The following DUSP4 variants were observed in gnomAD, a reference collection of about 807,000 sequenced individuals.
DUSP4 encodes dual specificity phosphatase 4, also known as dual specificity protein phosphatase 4.
A neutral mutation model predicts 27.2 loss-of-function variants in DUSP4; 12 were observed. The ratio of observed to expected loss-of-function variants is 0.44; its 90% CI spans 0.28 to 0.71. DUSP4 has a LOEUF of 0.71. Ranked by LOEUF, DUSP4 falls within the 30% of genes least tolerant of loss-of-function variation. The pLI is 0.14. For synonymous variants in DUSP4, 257 were observed against 245.2 expected (o/e 1.05, Z -0.45); for missense variants, 448 against 551.3 (o/e 0.81, Z 1.88).
intron 1 of DUSP4, chr8:29,347,667 T>G: frequency 1.2e-6 from 1 of 833,660 alleles, no homozygotes; most frequent in Non-Finnish European, 1.4e-6. Flanking sequence ...AGAAGATGAT[T>G]CTCCCTGCCC....
At chr8:29,349,391 C>T (rs1252027989) in intron 1 of DUSP4, among the ~76,000 whole-genome samples, 1 of 152,198 alleles carries the variant, frequency 6.6e-6, no homozygotes, top group Non-Finnish European at 1.5e-5. Context: ...CCAATTGTAC[C>T]TCGGCGCCCA....
intron 1 of DUSP4, among the ~76,000 whole-genome samples, chr8:29,344,377 G>A (rs1817697796): frequency 6.6e-6 from 1 of 152,174 alleles, no homozygotes; most frequent in African/African-American, 2.4e-5. Context: ...TGAAATGAAT[G>A]TATTGAACGT....
chr8:29,341,130 T>A (rs1802577568), intron 1 of DUSP4, among the ~76,000 whole-genome samples: 1 of 152,230 alleles, frequency 6.6e-6, no homozygotes, highest in Non-Finnish European at 1.5e-5. Context: ...TCCACAGTGC[T>A]ATCAATGTAT....
chr8:29,349,777 A>G (rs1817794325), intron 1 of DUSP4, 69 bp downstream of exon 1: 12 of 1,417,216 alleles, frequency 8.5e-6, no homozygotes, highest in African/African-American at 1.5e-5. Flanking sequence ...TCCCGTGCCA[A>G]TAAGGCGCAG....
chr8:29,348,881 G>C, intron 1 of DUSP4: 2 of 762,054 alleles, frequency 2.6e-6, no homozygotes, highest in Non-Finnish European at 3.2e-6. Context: ...CGGAGGCGCA[G>C]CGCGGCGGGG....
chr8:29,340,427 G>C (rs1817642043), intron 1 of DUSP4, among the ~76,000 whole-genome samples, 184 bp from the exon 2 acceptor site: 1 of 152,166 alleles, frequency 6.6e-6, no homozygotes, highest in Non-Finnish European at 1.5e-5. Flanking sequence ...GAGATGCAGA[G>C]GACACACTCG....
In DUSP4 at chr8:29,336,039, G is replaced by A. The variant is rs1817567150; in HGVS notation, c.*987C>T. ...AGGTGGGAGGATCTCTTGAGCCCAA[G>A]AGCTTGAGATGAGCCTTGGCAACAT... On this transcript the variant is annotated 3_prime_UTR_variant, in exon 4 of 4. Coordinates refer to ENST00000240100, the MANE Select transcript of DUSP4 (RefSeq NM_001394.7). The A allele has an allele frequency of 6.6e-6, 1 of 152,134 alleles. No homozygotes were observed. The allele number at this position is 152,134 out of a possible 1,614,324, so 9.4% of individuals were successfully genotyped here. A position where few individuals can be genotyped will look rare whatever the true frequency, so the allele number is the denominator to read the frequency against.
intron 1 of DUSP4, among the ~76,000 whole-genome samples, chr8:29,349,403 C>T (rs547838653): frequency 2.0e-5 from 3 of 152,132 alleles, no homozygotes; most frequent in African/African-American, 4.8e-5. Flanking sequence ...CGGCGCCCAC[C>T]CCTCTTCACC....
chr8:29,348,345 A>G (rs1817765703), intron 1 of DUSP4: 2 of 985,544 alleles, frequency 2.0e-6, no homozygotes, highest in African/African-American at 1.7e-5. Context: ...TGGCCTAACC[A>G]GGACCTGGCC....
intron 2 of DUSP4, among the ~76,000 whole-genome samples, chr8:29,339,840 C>CA (rs1390239643): frequency 7.4e-6 from 1 of 135,688 alleles, no homozygotes; most frequent in African/African-American, 2.8e-5. Context: ...CCCCCCCCCC[C>CA]ATCTCTACCA....
At position 29,334,498 on chromosome 8, in the gene DUSP4, A is replaced by C. The variant is rs551231036; in HGVS notation, c.*2528T>G. The stretch of plus-strand genomic sequence containing the variant: ...ATAGCTGTTTTGACATTGTGATAGA[A>C]GGCTTGAATTCGGAGGAAAGATGTC... On this transcript the variant is annotated 3_prime_UTR_variant, in exon 4 of 4. Transcript: ENST00000240100. The C allele has an allele frequency of 1.3e-5, 2 of 152,376 alleles. No homozygotes were observed. Among genetic ancestry groups the C allele is most frequent in the South Asian group, 2.1e-4 (1 of 4,830 alleles). The allele number at this position is 152,376 out of a possible 1,614,324, so 9.4% of individuals were successfully genotyped here.
At position 29,337,700 on chromosome 8, in the gene DUSP4, A is replaced by G. The variant is rs1359505821; in HGVS notation, c.800-289T>C. On this transcript the variant is annotated intron_variant, in intron 3 of 3. Coordinates refer to ENST00000240100, the MANE Select transcript of DUSP4 (RefSeq NM_001394.7). The surrounding 1 kb of genome is among the most constrained non-coding windows in gnomAD (Gnocchi z 6.4). ...GTCCAGGGTGGTGGCTCACTCCTGT[A>G]ATCCCAGCGCTTTGGGAGGCCAAGG... 6.6e-6 allele frequency among the ~76,000 whole-genome samples: 1 copy of G among 152,196 alleles called. No homozygotes were observed. Among genetic ancestry groups the G allele is most frequent in the Non-Finnish European group, 1.5e-5 (1 of 68,030 alleles).
chr8:29,340,448 A>G (rs1817642600), intron 1 of DUSP4, among the ~76,000 whole-genome samples: 2 of 152,224 alleles, frequency 1.3e-5, no homozygotes, highest in Non-Finnish European at 2.9e-5. Context: ...TCAGGACTGC[A>G]GCAAAGCTGG....
rs542177995 is a variant in DUSP4 at position 29,337,264 on chromosome 8, A to C, written c.947T>G (p.Ile316Ser). 6.2e-7 allele frequency: 1 copy of C among 1,613,668 alleles called. No homozygotes were observed. The highest frequency in any genetic ancestry group is 8.5e-7 in the Non-Finnish European group (1 of 1,179,970). The change falls in exon 4 of 4, where the codon ATC becomes AGC. Residue 316 changes from isoleucine to serine, a missense_variant. Physicochemically the swap from Ile to Ser is moderately radical, Grantham distance 142 (BLOSUM62 -2). Transcript: ENST00000240100. This position sits in a 1 kb window ranked among gnomAD's most constrained non-coding sequence, Gnocchi z 6.4. Reference protein sequence around the residue: ...AFEFVKQRRSIISPNFSFMGQ... With the variant: ...AFEFVKQRRSSISPNFSFMGQ... Reference sequence around the variant, plus strand: ...CATGAAGCTGAAGTTGGGCGAGATGATGCTGCGGCGCTGCTTAACGAACTC... The same window carrying C: ...CATGAAGCTGAAGTTGGGCGAGATGCTGCTGCGGCGCTGCTTAACGAACTC...
At chr8:29,343,365 A>AT (rs1345577315) in intron 1 of DUSP4, among the ~76,000 whole-genome samples, 3 of 152,034 alleles carry the variant, frequency 2.0e-5, no homozygotes, top group Non-Finnish European at 4.4e-5. Context: ...GGTGAGAACG[A>AT]TATGTTCTGG....
chr8:29,342,894 G>A lies in DUSP4; in HGVS notation c.434-2651C>T, dbSNP rs146848530. Among the ~76,000 whole-genome samples, 152 of 152,346 alleles carry A rather than the reference G, an allele frequency of 1.0e-3. 1 individual carries two copies. The highest frequency in any genetic ancestry group is 3.2e-3 in the African/African-American group (133 of 41,582). On this transcript the variant is annotated intron_variant, in intron 1 of 3. Coordinates refer to ENST00000240100, the MANE Select transcript of DUSP4 (RefSeq NM_001394.7). Reference sequence around the variant, plus strand: ...CAAAAATGAACAAGGTGAGCTGGGCGCGGTGGCTCACGCCTGTAATCCCAG... The same window carrying A: ...CAAAAATGAACAAGGTGAGCTGGGCACGGTGGCTCACGCCTGTAATCCCAG...
intron 1 of DUSP4, among the ~76,000 whole-genome samples, chr8:29,342,273 C>T (rs1817665926): frequency 6.6e-6 from 1 of 152,214 alleles, no homozygotes; most frequent in Non-Finnish European, 1.5e-5. Flanking sequence ...AGGTTGCACC[C>T]CACCCTGAGC....
intron 2 of DUSP4, among the ~76,000 whole-genome samples, chr8:29,339,835 C>A (rs892493228): frequency 2.9e-5 from 4 of 139,356 alleles, no homozygotes; most frequent in Admixed American, 7.0e-5. Context: ...AAGACCCCCC[C>A]CCCCCATCTC....
At position 29,336,887 on chromosome 8, in the gene DUSP4, C is replaced by T. The variant is rs991642195; in HGVS notation, c.*139G>A. The T allele has an allele frequency of 2.1e-5, 27 of 1,278,510 alleles. No homozygotes were observed. Among genetic ancestry groups the T allele is most frequent in the Admixed American group, 3.0e-5 (1 of 33,394 alleles). The allele number at this position is 1,278,510 out of a possible 1,614,324, so 79.2% of individuals were successfully genotyped here. A position where few individuals can be genotyped will look rare whatever the true frequency, so the allele number is the denominator to read the frequency against. ...TCCTTATTGCCATTCTGGCTGGCCTCGTCGTTGGCCAAGGAGAAATGATGG... is the reference window on the plus strand; with the variant it reads ...TCCTTATTGCCATTCTGGCTGGCCTTGTCGTTGGCCAAGGAGAAATGATGG... On this transcript the variant is annotated 3_prime_UTR_variant, in exon 4 of 4. Coordinates refer to ENST00000240100, the MANE Select transcript of DUSP4 (RefSeq NM_001394.7).
Sources: allele counts gnomAD v4.1 joint callset (sites outside exome capture counted in the v4.1 genomes callset), GRCh38; gene constraint gnomAD v4.1.1; non-coding constraint Gnocchi (gnomAD v3.1); transcripts MANE v1.5; gene names NCBI Gene and HGNC (gene_info 2026-07-23, HGNC 2026-07-21).